The following CBFA2T3 variants were observed in gnomAD, a reference collection of about 807,000 sequenced individuals.
CBFA2T3 encodes CBFA2/RUNX1 partner transcriptional co-repressor 3.
A neutral mutation model predicts 58.6 loss-of-function variants in CBFA2T3; 31 were observed. The observed-to-expected ratio is 0.53, with a 90% CI of 0.40 to 0.71. The LOEUF (loss-of-function observed/expected upper bound fraction) is 0.71. Among genes scored for constraint, CBFA2T3 ranks in the 30% least tolerant of loss-of-function variants. The pLI is 0.00. For missense variants in CBFA2T3, 1,076 were observed against 963.1 expected, an observed-to-expected ratio of 1.12 and a Z score of -1.55; for synonymous variants, 531 against 421.9, an observed-to-expected ratio of 1.26 and a Z score of -3.17.
rs1386495570 is a variant in CBFA2T3, at chr16:88,877,141, G to C, written c.1797C>G (p.Pro599=). 1.9e-6 allele frequency: 3 copies of C among 1,550,180 alleles called. No homozygotes were observed. The highest frequency in any genetic ancestry group is 2.4e-5 in the South Asian group (2 of 84,060). Residue 599 remains proline, a synonymous_variant, in exon 12 of 12, where the codon CCC becomes CCG. Coordinates refer to ENST00000268679, the MANE Select transcript of CBFA2T3 (RefSeq NM_005187.6). ...HHVCGQSLQG[P]TAVVADPVPG... ...GCACCGGGTCGGCCACCACGGCTGTGGGGCCCTGCAGGCTCTGGCCACACA... is the reference window on the plus strand; with the variant it reads ...GCACCGGGTCGGCCACCACGGCTGTCGGGCCCTGCAGGCTCTGGCCACACA...
chr16:88,880,666 TG>T, intron 10 of CBFA2T3, 53 bp downstream of exon 10: 2 of 1,451,234 alleles, frequency 1.4e-6, no homozygotes, highest in East Asian at 4.9e-5. Context: ...GAGGCGCATC[TG>T]GGGCCCTGGC....
chr16:88,914,665 G>A (rs1004350034), intron 1 of CBFA2T3, among the ~76,000 whole-genome samples: 1 of 150,072 alleles, frequency 6.7e-6, no homozygotes, highest in Non-Finnish European at 1.5e-5. Flanking sequence ...TGCCATCAAA[G>A]GTGCCCTGAC....
intron 5 of CBFA2T3, among the ~76,000 whole-genome samples, chr16:88,889,905 G>T (rs1160211503): frequency 7.3e-6 from 1 of 137,546 alleles, no homozygotes; most frequent in African/African-American, 2.8e-5. Flanking sequence ...CTCCTTCAGG[G>T]ACGACGCCCC....
At position 88,891,913 on chromosome 16, in the gene CBFA2T3, G is replaced by A; in HGVS notation, c.680C>T (p.Pro227Leu). 1 of 1,613,322 alleles carries A rather than the reference G, an allele frequency of 6.2e-7. No individual in the cohort carries two copies. Among genetic ancestry groups the A allele is most frequent in the South Asian group, 1.1e-5 (1 of 91,060 alleles). ...HSKLQEATNF[P>L]LRPFVIPFLK... The stretch of plus-strand genomic sequence containing the variant: ...GAAGGGAATGACAAACGGCCGCAGA[G>A]GGAAGTTGGTGGCCTCCTGAAGCTT... The change falls in exon 5 of 12, where the codon CCT becomes CTT. Residue 227 changes from proline to leucine, a missense_variant. By Grantham distance (98) the Pro-to-Leu change is moderately conservative. Coordinates refer to ENST00000268679, the MANE Select transcript of CBFA2T3 (RefSeq NM_005187.6).
At chr16:88,974,940 G>C (rs1005998792) in intron 1 of CBFA2T3, among the ~76,000 whole-genome samples, 1 of 152,156 alleles carries the variant, frequency 6.6e-6, no homozygotes, top group African/African-American at 2.4e-5. Context: ...TGTGGCTAAG[G>C]CTGTCCCATG....
rs759356728 is a variant in CBFA2T3, at chr16:88,974,479, C to T, written c.151+2178G>A. 1.8e-4 allele frequency among the ~76,000 whole-genome samples: 27 copies of T among 152,136 alleles called. No homozygotes were observed. In the Middle Eastern group the frequency reaches 0.01, roughly 57 times the overall value. Reference sequence around the variant, plus strand: ...GCCCCCAGGACGCTGTCAGAGGAGACGAGGGGCTGAGGTCCTCCCACCCCC... The same window carrying T: ...GCCCCCAGGACGCTGTCAGAGGAGATGAGGGGCTGAGGTCCTCCCACCCCC... On this transcript the variant is annotated intron_variant, in intron 1 of 11. Transcript: ENST00000268679.
In CBFA2T3 at chr16:88,885,897, G is replaced by A; in HGVS notation, c.893+64C>T. On this transcript the variant is annotated intron_variant, in intron 6 of 11. Transcript: ENST00000268679. The surrounding 1 kb of genome is among the most constrained non-coding windows in gnomAD (Gnocchi z 5.3). ...GAGGAGGTTCCCTCTCTTACCCAGA[G>A]GGGAGCAGGGTGAGCCGCGTGTCCA... 2 of 1,413,204 alleles carry A rather than the reference G, an allele frequency of 1.4e-6. No homozygotes were observed. Among genetic ancestry groups the A allele is most frequent in the South Asian group, 1.3e-5 (1 of 79,900 alleles). The allele number at this position is 1,413,204 out of a possible 1,614,324, so 87.5% of individuals were successfully genotyped here.
chr16:88,910,492 G>A (rs1358557010), intron 1 of CBFA2T3, among the ~76,000 whole-genome samples: 1 of 152,248 alleles, frequency 6.6e-6, no homozygotes, highest in Non-Finnish European at 1.5e-5. Flanking sequence ...AACCTGGAAA[G>A]GCACAGCCCA....
At chr16:88,972,757 G>C (rs560638422) in intron 1 of CBFA2T3, among the ~76,000 whole-genome samples, 84 of 152,312 alleles carry the variant, frequency 5.5e-4, no homozygotes, top group African/African-American at 1.9e-3. Flanking sequence ...GCACTCCCAG[G>C]CTGGCTCCCC....
At chr16:88,930,593 C>T (rs2911449) in intron 1 of CBFA2T3, among the ~76,000 whole-genome samples, 9 of 150,994 alleles carry the variant, frequency 6.0e-5, no homozygotes, top group African/African-American at 2.0e-4. Flanking sequence ...AAGGGCCACA[C>T]GTGGCCCCGT....
intron 1 of CBFA2T3, among the ~76,000 whole-genome samples, chr16:88,949,985 G>A (rs926366491): frequency 1.3e-5 from 2 of 152,130 alleles, no homozygotes; most frequent in African/African-American, 4.8e-5. Context: ...CTCCAGCGTG[G>A]GTGACAGAGA....
At chr16:88,880,873 G>GC in intron 9 of CBFA2T3, 85 bp from the exon 10 acceptor site, 2 of 1,266,308 alleles carry the variant, frequency 1.6e-6, no homozygotes, top group Non-Finnish European at 2.2e-6. Context: ...GCTGGGCCCT[G>GC]AGTGCAGGGC....
intron 1 of CBFA2T3, among the ~76,000 whole-genome samples, chr16:88,913,548 G>C (rs1297918085): frequency 1.3e-5 from 2 of 152,200 alleles, no homozygotes; most frequent in Non-Finnish European, 2.9e-5. Flanking sequence ...TGGGAAGCTG[G>C]AGAAGAGAAG....
rs184512169 is a variant in CBFA2T3, at chr16:88,973,894, G to A, written c.151+2763C>T. ...CCCATAACATCTGCCCGCCTTGCCC[G>A]GTCCCCATAACATCTCCCGCCTTGC... On this transcript the variant is annotated intron_variant, in intron 1 of 11. Transcript: ENST00000268679. Among the ~76,000 whole-genome samples, 844 of 138,186 alleles carry A rather than the reference G, an allele frequency of 6.1e-3. 20 individuals are homozygous for A. Among genetic ancestry groups the A allele is most frequent in the Non-Finnish European group, 1.5e-3 (96 of 64,498 alleles). 90.7% of individuals were successfully genotyped at this position (138,186 alleles called of 152,430 possible). A position where few individuals can be genotyped will look rare whatever the true frequency, so the allele number is the denominator to read the frequency against.
intron 1 of CBFA2T3, among the ~76,000 whole-genome samples, chr16:88,975,936 G>A (rs568090413): frequency 4.6e-5 from 7 of 152,252 alleles, no homozygotes; most frequent in South Asian, 2.1e-4. Flanking sequence ...TGAAGGTTCC[G>A]ACGGCTGCTG....
At chr16:88,945,593 G>C (rs1971880213) in intron 1 of CBFA2T3, among the ~76,000 whole-genome samples, 1 of 152,204 alleles carries the variant, frequency 6.6e-6, no homozygotes, top group Non-Finnish European at 1.5e-5. Context: ...CTTGCCACTA[G>C]AGAGTGGGTC....
At chr16:88,935,846 G>C (rs896738576) in intron 1 of CBFA2T3, among the ~76,000 whole-genome samples, 2 of 152,226 alleles carry the variant, frequency 1.3e-5, no homozygotes, top group Non-Finnish European at 2.9e-5. Context: ...ACAGCCCGAA[G>C]GGGTAAATGC....
At chr16:88,894,610 C>T (rs1228700968) in intron 3 of CBFA2T3, among the ~76,000 whole-genome samples, 1 of 151,418 alleles carries the variant, frequency 6.6e-6, no homozygotes, top group East Asian at 1.9e-4. Context: ...ACAATGTACA[C>T]ACATGCACAC....
At chr16:88,976,427 TG>T (rs1972862488) in intron 1 of CBFA2T3, among the ~76,000 whole-genome samples, 1 of 151,976 alleles carries the variant, frequency 6.6e-6, no homozygotes, top group Non-Finnish European at 1.5e-5. Flanking sequence ...TGGGTGGGGC[TG>T]GGGCACCTGG....
Sources: gnomAD v4.1 joint callset for allele counts (sites outside exome capture counted in the v4.1 genomes callset) on GRCh38, gnomAD v4.1.1 for gene constraint, Gnocchi (gnomAD v3.1) non-coding constraint, MANE v1.5 for transcripts, NCBI Gene and HGNC (gene_info 2026-07-23, HGNC 2026-07-21) for gene names.